SLC26A8: variants seen among roughly 807,000 people sequenced by gnomAD.
The protein encoded by SLC26A8 is testis anion transporter 1.
A neutral mutation model predicts 105.0 loss-of-function variants in SLC26A8; 70 were observed. The ratio of observed to expected loss-of-function variants is 0.67; its 90% confidence interval spans 0.55 to 0.81. The LOEUF (loss-of-function observed/expected upper bound fraction) is 0.81. SLC26A8 is among the 40% of genes least tolerant of loss of function. The probability of loss-of-function intolerance (pLI) is 0.00; values close to 1 mark genes in which losing one functional copy is unlikely to be tolerated. For synonymous variants in SLC26A8, 415 were observed against 438.3 expected, an observed-to-expected ratio of 0.95 and a Z score of 0.66; for missense variants, 998 against 1,181.8, an observed-to-expected ratio of 0.84 and a Z score of 2.28.
At chr6:36,011,199 C>T (rs1761847588) in intron 3 of SLC26A8, among the ~76,000 whole-genome samples, 1 of 152,190 alleles carries the variant, frequency 6.6e-6, no homozygotes, top group African/African-American at 2.4e-5. Flanking sequence ...AACTTTCTAG[C>T]TCTGTTTCCC....
chr6:36,002,103 T>A (rs1367939208), intron 3 of SLC26A8, among the ~76,000 whole-genome samples: 2 of 152,216 alleles, frequency 1.3e-5, no homozygotes, highest in Non-Finnish European at 2.9e-5. Flanking sequence ...TTTTCCCCTA[T>A]GCAAGGCTCT....
At chr6:35,958,438 C>T (rs893654774) in intron 16 of SLC26A8, among the ~76,000 whole-genome samples, 1 of 151,958 alleles carries the variant, frequency 6.6e-6, no homozygotes, top group African/African-American at 2.4e-5. Flanking sequence ...CAGCTATATG[C>T]TATATTGCAT....
intron 2 of SLC26A8, among the ~76,000 whole-genome samples, chr6:36,018,940 T>A (rs1036243544): frequency 1.3e-5 from 2 of 152,166 alleles, no homozygotes; most frequent in African/African-American, 2.4e-5. Flanking sequence ...TTATTTATTT[T>A]TTTTGAGACA....
intron 1 of SLC26A8, among the ~76,000 whole-genome samples, chr6:36,024,108 A>T (rs1762197744): frequency 6.6e-6 from 1 of 152,138 alleles, no homozygotes; most frequent in African/African-American, 2.4e-5. Context: ...ACAGGGAACA[A>T]AATTAACAAA....
At position 35,944,072 on chromosome 6, in the gene SLC26A8, G is replaced by T. The variant is rs955848731; in HGVS notation, c.2741C>A (p.Pro914His). ...PETEPEMEPNPKSRPRAHTFP... is the reference protein window; with the variant it reads ...PETEPEMEPNHKSRPRAHTFP... ...AGTGTGAGCTCTTGGCCTAGATTTG[G>T]GGTTGGGCTCCATCTCAGGCTCAGT... Residue 914 changes from proline (P) to histidine (H), a missense_variant, in exon 20 of 20, where the codon CCC becomes CAC. Physicochemically the swap from Pro to His is moderately conservative, Grantham distance 77 (BLOSUM62 -2). Transcript: ENST00000490799. 1 of 1,614,038 alleles carries T rather than the reference G, an allele frequency of 6.2e-7. No individual in the cohort carries two copies. The highest frequency in any genetic ancestry group is 1.3e-5 in the African/African-American group (1 of 75,000).
intron 16 of SLC26A8, among the ~76,000 whole-genome samples, chr6:35,956,778 G>C (rs1404994158): frequency 1.3e-5 from 2 of 151,204 alleles, no homozygotes; most frequent in African/African-American, 4.9e-5. Flanking sequence ...AGTTAGCCAG[G>C]TGTGGTGGTG....
intron 7 of SLC26A8, among the ~76,000 whole-genome samples, chr6:35,988,851 T>A (rs1265966222): frequency 6.7e-6 from 1 of 150,320 alleles, no homozygotes; most frequent in Non-Finnish European, 1.5e-5. Flanking sequence ...GTTTTTTTTT[T>A]TTTTTTTGAG....
chr6:36,017,326 T>G (rs191590465), intron 2 of SLC26A8, among the ~76,000 whole-genome samples: 3 of 152,134 alleles, frequency 2.0e-5, no homozygotes, highest in Admixed American at 1.3e-4. Context: ...AAATTGGATT[T>G]CATCAAAATT....
intron 19 of SLC26A8, among the ~76,000 whole-genome samples, chr6:35,950,281 G>A (rs1478135787): frequency 6.6e-6 from 1 of 151,366 alleles, no homozygotes; most frequent in Admixed American, 6.6e-5. Context: ...GCTAAAGTAG[G>A]CCCAGGTCTC....
rs1772011889 is a variant in SLC26A8, at chr6:35,955,222, A to G, written c.2162T>C (p.Val721Ala). 1.2e-6 allele frequency: 2 copies of G among 1,614,022 alleles called. No homozygotes were observed. The highest frequency in any genetic ancestry group is 1.7e-5 in the Admixed American group (1 of 59,992). The part of the protein sequence containing the change: ...PYSDASLLPS[V>A]HTIILDFSMV... ...GGAGAAATCCAGGATGATGGTGTGG[A>G]CACTGGGCAGTAGAGACGCATCTGA... Residue 721 changes from valine (V) to alanine (A), a missense_variant, in exon 17 of 20, where the codon GTC becomes GCC. Val to Ala is a moderately conservative substitution (Grantham distance 64, BLOSUM62 0). Transcript: ENST00000490799.
rs56714506 is a variant in SLC26A8, at chr6:35,998,555, C to CAA, written c.446-638_446-637dup. ...GGGCAACAAGAGCGAAACTCCATCT[C>CAA]AAAAAAAAAAAAAGAAAAGAAAAGA... On this transcript the variant is annotated intron_variant, in intron 4 of 19. Coordinates refer to ENST00000490799, the MANE Select transcript of SLC26A8 (RefSeq NM_052961.4). 4.1e-3 allele frequency among the ~76,000 whole-genome samples: 486 copies of CAA among 118,958 alleles called. 1 individual carries two copies. The highest frequency in any genetic ancestry group is 0.014 in the African/African-American group (458 of 33,244). 78.0% of individuals were successfully genotyped at this position (118,958 alleles called of 152,430 possible).
At chr6:35,998,863 A>G (rs1204500629) in intron 4 of SLC26A8, among the ~76,000 whole-genome samples, 7 of 152,134 alleles carry the variant, frequency 4.6e-5, no homozygotes, top group Admixed American at 4.6e-4. Flanking sequence ...TAGCAGATTG[A>G]ATAAAGACAT....
In SLC26A8 at chr6:35,943,744, G is replaced by T. The variant is rs1179490780; in HGVS notation, c.*156C>A. On this transcript the variant is annotated 3_prime_UTR_variant, in exon 20 of 20. Coordinates refer to ENST00000490799, the MANE Select transcript of SLC26A8 (RefSeq NM_052961.4). ...AATGTGATTTGGGAGTATGATCCCA[G>T]CGCAGAGCAAGGAAGAAGGCTGGCA... is the stretch of plus-strand genomic sequence containing the variant. 2 of 1,092,554 alleles carry T rather than the reference G, an allele frequency of 1.8e-6. No homozygotes were observed. Among genetic ancestry groups the T allele is most frequent in the African/African-American group, 1.6e-5 (1 of 63,094 alleles). The allele number at this position is 1,092,554 out of a possible 1,614,324, so 67.7% of individuals were successfully genotyped here.
At chr6:35,983,370 T>C (rs1213537560) in intron 7 of SLC26A8, among the ~76,000 whole-genome samples, 1 of 152,132 alleles carries the variant, frequency 6.6e-6, no homozygotes, top group Non-Finnish European at 1.5e-5. Flanking sequence ...AAAACAGAAA[T>C]AACTCATCCA....
At chr6:35,975,561 G>GTT in intron 9 of SLC26A8, 73 bp from the exon 10 acceptor site, 2 of 794,872 alleles carry the variant, frequency 2.5e-6, no homozygotes, top group African/African-American at 3.9e-5. Context: ...GAAGGCATAT[G>GTT]GTTTTTTTTT....
At chr6:35,946,030 A>C (rs1489836173) in intron 19 of SLC26A8, among the ~76,000 whole-genome samples, 2 of 152,102 alleles carry the variant, frequency 1.3e-5, no homozygotes, top group Non-Finnish European at 2.9e-5. Context: ...GGTATGCCCC[A>C]GGGCTTGATC....
intron 10 of SLC26A8, chr6:35,969,782 T>C (rs1188918550): frequency 6.6e-6 from 1 of 152,036 alleles, no homozygotes; most frequent in African/African-American, 2.4e-5. Flanking sequence ...TTTTCCTGCT[T>C]TAGTTTCTCT....
chr6:36,024,575 C>A lies in SLC26A8; in HGVS notation c.-74G>T, dbSNP rs1226014989. ...GGCTCTCGCCTGGCTGGCGGCGCTG[C>A]GGACGCGGATACCGGCGGCGGTTCC... is the stretch of plus-strand genomic sequence containing the variant. On this transcript the variant is annotated 5_prime_UTR_variant, in exon 1 of 20. Coordinates refer to ENST00000490799, the MANE Select transcript of SLC26A8 (RefSeq NM_052961.4). 6 of 373,744 alleles carry A rather than the reference C, an allele frequency of 1.6e-5. No individual in the cohort carries two copies. The highest frequency in any genetic ancestry group is 3.1e-5 in the Non-Finnish European group (6 of 191,340). The allele number at this position is 373,744 out of a possible 1,614,324, so 23.2% of individuals were successfully genotyped here.
chr6:35,986,319 C>A (rs1773523985), intron 7 of SLC26A8, among the ~76,000 whole-genome samples: 1 of 152,172 alleles, frequency 6.6e-6, no homozygotes, highest in African/African-American at 2.4e-5. Context: ...CAGGTGTGAG[C>A]TACCATGCCT....
Sources: allele counts gnomAD v4.1 joint callset (sites outside exome capture counted in the v4.1 genomes callset), GRCh38; gene constraint gnomAD v4.1.1; transcripts MANE v1.5; gene names NCBI Gene and HGNC (gene_info 2026-07-23, HGNC 2026-07-21).